MIPEP: variants seen among roughly 807,000 people sequenced by gnomAD.
MIPEP encodes mitochondrial intermediate peptidase.
A neutral mutation model predicts 90.3 loss-of-function variants in MIPEP; 79 were observed. That is an observed-to-expected ratio of 0.87 (90% CI 0.73 to 1.05). MIPEP has a LOEUF of 1.05. Among genes scored for constraint, MIPEP ranks in the 50% least tolerant of loss-of-function variants. The pLI is 0.00. For synonymous variants in MIPEP, 334 were observed against 315.8 expected (o/e 1.06, Z -0.61); for missense variants, 940 against 905.6 (o/e 1.04, Z -0.49).
At chr13:23,811,022 A>G (rs1953165636) in intron 14 of MIPEP, among the ~76,000 whole-genome samples, 1 of 152,224 alleles carries the variant, frequency 6.6e-6, no homozygotes, top group Non-Finnish European at 1.5e-5. Flanking sequence ...ATTCTGGTAC[A>G]GGTCACAGGC....
At chr13:23,882,831 G>C (rs1871322827) in intron 2 of MIPEP, among the ~76,000 whole-genome samples, 1 of 151,796 alleles carries the variant, frequency 6.6e-6, no homozygotes, top group African/African-American at 2.4e-5. Context: ...CAAAGTACCT[G>C]AAAAATGAGT....
At chr13:23,795,852 G>T (rs1459187255) in intron 16 of MIPEP, among the ~76,000 whole-genome samples, 1 of 149,566 alleles carries the variant, frequency 6.7e-6, no homozygotes, top group Non-Finnish European at 1.5e-5. Flanking sequence ...AGCTGGGAGT[G>T]GGGTGTGGTG....
At chr13:23,857,952 T>C (rs1870118047) in intron 10 of MIPEP, among the ~76,000 whole-genome samples, 1 of 151,948 alleles carries the variant, frequency 6.6e-6, no homozygotes, top group Admixed American at 6.6e-5. Context: ...AATACACGTA[T>C]CATCACAGTA....
At chr13:23,786,253 G>T (rs1010159288) in intron 16 of MIPEP, among the ~76,000 whole-genome samples, 1 of 151,642 alleles carries the variant, frequency 6.6e-6, no homozygotes, top group African/African-American at 2.4e-5. Flanking sequence ...AACTAAAGCT[G>T]GTTCCAAATT....
At chr13:23,779,407 G>A (rs1349597393) in intron 16 of MIPEP, among the ~76,000 whole-genome samples, 8 of 152,080 alleles carry the variant, frequency 5.3e-5, no homozygotes, top group Admixed American at 5.2e-4. Context: ...AAAGGTGGGA[G>A]GATAAACATC....
chr13:23,834,911 T>C (rs1868962484), intron 14 of MIPEP, among the ~76,000 whole-genome samples: 2 of 152,336 alleles, frequency 1.3e-5, no homozygotes, highest in African/African-American at 4.8e-5. Context: ...AACAATTCTT[T>C]GTAGATTAAT....
chr13:23,753,267 A>G (rs1952460652), intron 18 of MIPEP, among the ~76,000 whole-genome samples: 1 of 151,942 alleles, frequency 6.6e-6, no homozygotes, highest in Non-Finnish European at 1.5e-5. Context: ...ACAAAAAAAG[A>G]AGTGTTTTGA....
At chr13:23,753,905 G>A (rs577717777) in intron 18 of MIPEP, among the ~76,000 whole-genome samples, 1 of 152,114 alleles carries the variant, frequency 6.6e-6, no homozygotes, top group South Asian at 2.1e-4. Context: ...TGAATACAAA[G>A]GTATTCTGAC....
intron 18 of MIPEP, among the ~76,000 whole-genome samples, chr13:23,739,106 G>C (rs1952297065): frequency 6.6e-6 from 1 of 152,224 alleles, no homozygotes; most frequent in Admixed American, 6.5e-5. Context: ...AGGTGAAATA[G>C]AAAACAATTG....
chr13:23,842,417 G>A (rs1005455797), intron 10 of MIPEP: 1 of 152,156 alleles, frequency 6.6e-6, no homozygotes, highest in African/African-American at 2.4e-5. Flanking sequence ...CAACAAATGA[G>A]ACTTTGGCTA....
intron 16 of MIPEP, among the ~76,000 whole-genome samples, chr13:23,778,367 G>C (rs1413445630): frequency 2.6e-5 from 4 of 152,094 alleles, no homozygotes; most frequent in Admixed American, 1.3e-4. Flanking sequence ...ATGTGTGCAA[G>C]ACACCAAGAT....
chr13:23,774,138 T>C (rs910705769), intron 16 of MIPEP, among the ~76,000 whole-genome samples: 10 of 152,238 alleles, frequency 6.6e-5, no homozygotes, highest in Non-Finnish European at 1.2e-4. Flanking sequence ...TTCATTCTTT[T>C]GCATGTGGAG....
At chr13:23,754,386 A>C (rs781675773) in intron 18 of MIPEP, among the ~76,000 whole-genome samples, 6 of 152,240 alleles carry the variant, frequency 3.9e-5, no homozygotes, top group Non-Finnish European at 7.3e-5. Context: ...ATCTGACAGA[A>C]CAGCATTAAG....
chr13:23,810,225 C>T (rs930581072), intron 14 of MIPEP, among the ~76,000 whole-genome samples: 13 of 152,174 alleles, frequency 8.5e-5, no homozygotes, highest in African/African-American at 2.7e-4. Context: ...AAAGGGAATA[C>T]TTTTTCTGTT....
intron 14 of MIPEP, among the ~76,000 whole-genome samples, chr13:23,823,603 A>C (rs1953334347): frequency 6.6e-6 from 1 of 152,220 alleles, no homozygotes; most frequent in Non-Finnish European, 1.5e-5. Flanking sequence ...CCAAAGCTGG[A>C]GGACTGCTTG....
chr13:23,851,596 T>G (rs1273309217), intron 10 of MIPEP, among the ~76,000 whole-genome samples: 1 of 152,178 alleles, frequency 6.6e-6, no homozygotes, highest in Non-Finnish European at 1.5e-5. Flanking sequence ...AGGGAAACCC[T>G]CATCGCAGAC....
At chr13:23,869,186 T>C in intron 7 of MIPEP, 106 bp downstream of exon 7, 2 of 993,266 alleles carry the variant, frequency 2.0e-6, no homozygotes, top group East Asian at 5.1e-5. Context: ...TAAATGGTTC[T>C]CTACATGTAT....
intron 3 of MIPEP, among the ~76,000 whole-genome samples, chr13:23,881,160 A>G (rs1255947563): frequency 3.3e-5 from 5 of 152,220 alleles, no homozygotes; most frequent in African/African-American, 1.2e-4. Context: ...ACAGACTTTT[A>G]CAGCCTCCCT....
intron 10 of MIPEP, among the ~76,000 whole-genome samples, chr13:23,857,580 T>C (rs748546533): frequency 6.6e-6 from 1 of 152,138 alleles, no homozygotes; most frequent in Non-Finnish European, 1.5e-5. Context: ...TAAAAAGAGT[T>C]GTTTAATGAA....
Sources: allele counts gnomAD v4.1 joint callset (sites outside exome capture counted in the v4.1 genomes callset), GRCh38; gene constraint gnomAD v4.1.1; transcripts MANE v1.5; gene names NCBI Gene and HGNC (gene_info 2026-07-23, HGNC 2026-07-21).